The following ANK2 variants were observed in gnomAD, a reference collection of about 807,000 sequenced individuals.
ANK2 encodes ankyrin-2.
In ANK2, 83 loss-of-function variants were observed where a neutral mutation model predicts 360.5. The ratio of observed to expected loss-of-function variants is 0.23; its 90% CI spans 0.19 to 0.28. The LOEUF (loss-of-function observed/expected upper bound fraction) is 0.28. ANK2 is among the 10% of genes least tolerant of loss of function. The probability of loss-of-function intolerance (pLI) is 1.00; values close to 1 mark genes in which losing one functional copy is unlikely to be tolerated. For missense variants in ANK2, 4,201 were observed against 4,795.7 expected (o/e 0.88, Z 3.66); for synonymous variants, 1,740 against 1,759.5 (o/e 0.99, Z 0.28).
chr4:113,022,530 A>G (rs1430056620), intron 2 of ANK2, among the ~76,000 whole-genome samples: 1 of 152,152 alleles, frequency 6.6e-6, no homozygotes, highest in Non-Finnish European at 1.5e-5. Flanking sequence ...GCCTGCCACT[A>G]GACACTGAGT....
At chr4:113,378,461 A>T (rs2097042222) in intron 45 of ANK2, among the ~76,000 whole-genome samples, 1 of 152,232 alleles carries the variant, frequency 6.6e-6, no homozygotes, top group East Asian at 1.9e-4. Context: ...AACTTAGTTG[A>T]AGCCAGCCTG....
chr4:113,045,015 T>C (rs183687557), upstream of ANK2, among the ~76,000 whole-genome samples: 124 of 152,212 alleles, frequency 8.1e-4, no homozygotes, highest in African/African-American at 2.9e-3. Context: ...AGAACTGAGA[T>C]TTTTTAACAT....
the ANK2 span, among the ~76,000 whole-genome samples, chr4:112,771,087 A>T: frequency 5.1e-4 from 77 of 152,290 alleles, no homozygotes; most frequent in Non-Finnish European, 9.4e-4. Flanking sequence ...AAAGATTAAC[A>T]AAAGAAAAGC....
chr4:113,032,960 C>T (rs2060729031), intron 2 of ANK2, among the ~76,000 whole-genome samples: 2 of 152,020 alleles, frequency 1.3e-5, no homozygotes, highest in Admixed American at 1.3e-4. Flanking sequence ...AGCTGACATT[C>T]ACTATATCAT....
chr4:113,073,238 G>A (rs2078474966), intron 1 of ANK2, among the ~76,000 whole-genome samples: 1 of 151,978 alleles, frequency 6.6e-6, no homozygotes, highest in African/African-American at 2.4e-5. Context: ...TTACAGTAGT[G>A]AGCCACCGTG....
At chr4:113,380,605 T>C (rs575458893) in intron 45 of ANK2, among the ~76,000 whole-genome samples, 4 of 152,350 alleles carry the variant, frequency 2.6e-5, no homozygotes, top group Admixed American at 2.6e-4. Flanking sequence ...GAGGTTGCAG[T>C]GAGCCAAGAT....
At chr4:113,090,822 C>T (rs1400579198) in intron 1 of ANK2, among the ~76,000 whole-genome samples, 2 of 152,220 alleles carry the variant, frequency 1.3e-5, no homozygotes, top group Non-Finnish European at 2.9e-5. Flanking sequence ...CCTCGTTAGA[C>T]GAGGCACATG....
intron 17 of ANK2, among the ~76,000 whole-genome samples, chr4:113,282,211 A>G (rs2062693101): frequency 6.6e-6 from 1 of 152,232 alleles, no homozygotes; most frequent in Non-Finnish European, 1.5e-5. Flanking sequence ...AATATTGACA[A>G]ACTAGAATCA....
chr4:112,732,053 T>G, the ANK2 span, among the ~76,000 whole-genome samples: 1 of 152,168 alleles, frequency 6.6e-6, no homozygotes, highest in Admixed American at 6.6e-5. Flanking sequence ...GCTAGTTGAC[T>G]CATGTTGGTG....
intron 2 of ANK2, among the ~76,000 whole-genome samples, chr4:112,911,203 T>TTTC (rs1197260957): frequency 6.8e-6 from 1 of 148,060 alleles, no homozygotes; most frequent in African/African-American, 2.5e-5. Context: ...TTTTTTTTTT[T>TTTC]TTTTTTAGAG....
At chr4:112,915,611 T>G (rs2089480120) in intron 2 of ANK2, among the ~76,000 whole-genome samples, 1 of 151,836 alleles carries the variant, frequency 6.6e-6, no homozygotes, top group Non-Finnish European at 1.5e-5. Context: ...AAAAATTAAC[T>G]GGGCATGGTG....
At chr4:113,359,995 T>C (rs1429188151) in intron 38 of ANK2, among the ~76,000 whole-genome samples, 2 of 152,184 alleles carry the variant, frequency 1.3e-5, no homozygotes, top group Non-Finnish European at 2.9e-5. Flanking sequence ...GATGGCTCTT[T>C]GACTTATAAA....
the ANK2 span, among the ~76,000 whole-genome samples, chr4:112,747,786 C>A: frequency 6.6e-6 from 1 of 152,068 alleles, no homozygotes; most frequent in Non-Finnish European, 1.5e-5. Flanking sequence ...CAGACTTTAA[C>A]CCTCCAGTCT....
intron 15 of ANK2, among the ~76,000 whole-genome samples, chr4:113,276,421 T>G (rs903278413): frequency 4.6e-5 from 7 of 152,194 alleles, no homozygotes; most frequent in Non-Finnish European, 4.4e-5. Context: ...ATTTTATGTA[T>G]TTTTGTCTAA....
At position 113,358,324 on chromosome 4, in the gene ANK2, C is replaced by T. The variant is rs758566777; in HGVS notation, c.9706C>T (p.Leu3236Phe). 36 of 1,613,548 alleles carry T rather than the reference C, an allele frequency of 2.2e-5. No homozygotes were observed. The highest frequency in any genetic ancestry group is 3.0e-5 in the Non-Finnish European group (35 of 1,179,570). ...CGTGCAAACGGGTGATATACCTCCT[C>T]TCTCTGGTGTAAAGCAGATATCCTG... is the stretch of plus-strand genomic sequence containing the variant. ...PTVQTGDIPP[L>F]SGVKQISCPD... The change falls in exon 38 of 46, where the codon CTC becomes TTC. Residue 3236 changes from leucine (L) to phenylalanine (F), a missense_variant. Coordinates refer to ENST00000357077, the MANE Select transcript of ANK2 (RefSeq NM_001148.6).
At chr4:113,321,399 C>T (rs527252914) in intron 26 of ANK2, among the ~76,000 whole-genome samples, 81 of 152,280 alleles carry the variant, frequency 5.3e-4, no homozygotes, top group African/African-American at 1.9e-3. Flanking sequence ...ACAATAGTAA[C>T]GTTTGACTTA....
intron 1 of ANK2, among the ~76,000 whole-genome samples, chr4:113,165,660 T>C (rs1024979661): frequency 6.6e-6 from 1 of 152,140 alleles, no homozygotes. Context: ...CTAGTTCTTA[T>C]GTTATTCTCT....
chr4:113,254,913 G>T (rs2153622206), intron 10 of ANK2, among the ~76,000 whole-genome samples: 1 of 152,144 alleles, frequency 6.6e-6, no homozygotes, highest in Admixed American at 6.5e-5. Flanking sequence ...TAGGCAAATT[G>T]TTTTTTAAAA....
chr4:112,827,641 A>C, intron 1 of ANK2: 1 of 778,060 alleles, frequency 1.3e-6, no homozygotes, highest in Non-Finnish European at 2.2e-6. Flanking sequence ...CTTGCAATTT[A>C]CTGCCAAGGA....
Sources: gnomAD v4.1 joint callset for allele counts (sites outside exome capture counted in the v4.1 genomes callset) on GRCh38, gnomAD v4.1.1 for gene constraint, MANE v1.5 for transcripts, NCBI Gene and HGNC (gene_info 2026-07-23, HGNC 2026-07-21) for gene names.